The following ANKRD44 variants were observed in gnomAD, a reference collection of about 807,000 sequenced individuals.
The protein encoded by ANKRD44 is serine/threonine-protein phosphatase 6 regulatory ankyrin repeat subunit B.
In ANKRD44, 35 loss-of-function variants were observed where a neutral mutation model predicts 116.0. The ratio of observed to expected loss-of-function variants is 0.30; its 90% CI spans 0.23 to 0.40. The LOEUF is 0.40. Among genes scored for constraint, ANKRD44 ranks in the 10% least tolerant of loss-of-function variants. The pLI is 1.00. For missense variants in ANKRD44, 1,014 were observed against 1,242.6 expected (o/e 0.82, Z 2.77); for synonymous variants, 435 against 461.8 (o/e 0.94, Z 0.74).
chr2:197,200,415 G>A (rs923641378), intron 1 of ANKRD44, among the ~76,000 whole-genome samples: 3 of 152,132 alleles, frequency 2.0e-5, no homozygotes, highest in Non-Finnish European at 4.4e-5. Context: ...CTTTAGACAT[G>A]TATATGCTCA....
intron 1 of ANKRD44, among the ~76,000 whole-genome samples, chr2:197,246,901 G>A (rs2082205249): frequency 6.6e-6 from 1 of 152,106 alleles, no homozygotes; most frequent in Non-Finnish European, 1.5e-5. Context: ...TTGGAACCCA[G>A]GTGACCCAAC....
intron 1 of ANKRD44, among the ~76,000 whole-genome samples, chr2:197,271,342 G>C (rs1434040952): frequency 6.6e-6 from 1 of 152,200 alleles, no homozygotes; most frequent in Non-Finnish European, 1.5e-5. Context: ...TCTACCATGT[G>C]AGGACTGTGC....
intron 12 of ANKRD44, 104 bp downstream of exon 12, chr2:197,088,607 C>A: frequency 3.0e-6 from 2 of 664,498 alleles, no homozygotes; most frequent in Non-Finnish European, 4.8e-6. Context: ...AGAAATGATT[C>A]TTATTTTACT....
At position 197,060,180 on chromosome 2, in the gene ANKRD44, T is replaced by C. The variant is rs1254736110; in HGVS notation, c.1650+18523A>G. On this transcript the variant is annotated intron_variant, in intron 16 of 27. Transcript: ENST00000282272. ...AGCAACTACTGTATCTTGTCATAGT[T>C]ATTAACATGCCAACTCCCACTGAGA... Among the ~76,000 whole-genome samples the C allele has an allele frequency of 3.3e-5, 5 of 152,324 alleles. No individual in the cohort carries two copies. The South Asian group carries it at 6.2e-4, about 19-fold the overall frequency.
chr2:197,093,200 T>C (rs1315693747), intron 10 of ANKRD44, among the ~76,000 whole-genome samples: 1 of 152,072 alleles, frequency 6.6e-6, no homozygotes, highest in African/African-American at 2.4e-5. Flanking sequence ...AAGTTCCATA[T>C]GTATCTTTAT....
intron 16 of ANKRD44, among the ~76,000 whole-genome samples, chr2:197,057,772 C>A (rs72924642): frequency 6.6e-6 from 1 of 152,108 alleles, no homozygotes; most frequent in African/African-American, 2.4e-5. Flanking sequence ...GTGGGAGGAT[C>A]GCTTGAATCC....
chr2:197,192,559 T>C (rs2080849511), intron 1 of ANKRD44, among the ~76,000 whole-genome samples: 1 of 152,236 alleles, frequency 6.6e-6, no homozygotes, highest in African/African-American at 2.4e-5. Flanking sequence ...TCTAGCCATA[T>C]GAAGCCATCA....
At chr2:197,244,558 A>G (rs2082150900) in intron 1 of ANKRD44, among the ~76,000 whole-genome samples, 1 of 152,244 alleles carries the variant, frequency 6.6e-6, no homozygotes, top group African/African-American at 2.4e-5. Flanking sequence ...GGTACAAAAT[A>G]CCATGTGTTT....
intron 16 of ANKRD44, among the ~76,000 whole-genome samples, chr2:197,071,427 T>A (rs551834963): frequency 2.0e-5 from 3 of 152,326 alleles, no homozygotes; most frequent in Admixed American, 2.0e-4. Flanking sequence ...TTTTTTGAAT[T>A]TCTCTTGAGG....
intron 21 of ANKRD44, among the ~76,000 whole-genome samples, chr2:196,976,164 C>T (rs1184947691): frequency 6.6e-6 from 1 of 152,246 alleles, no homozygotes; most frequent in South Asian, 2.1e-4. Context: ...TGGAGTCTCG[C>T]TCTGTCGCCC....
At chr2:197,249,754 A>C (rs2082275327) in intron 1 of ANKRD44, among the ~76,000 whole-genome samples, 2 of 152,244 alleles carry the variant, frequency 1.3e-5, no homozygotes, top group South Asian at 2.1e-4. Context: ...TTGATAATTA[A>C]AGCAAAAAAG....
At chr2:197,034,709 C>T (rs1175169708) in intron 16 of ANKRD44, among the ~76,000 whole-genome samples, 1 of 151,962 alleles carries the variant, frequency 6.6e-6, no homozygotes. Context: ...TCTCCATAGC[C>T]TCCACCAACC....
chr2:197,085,381 C>T (rs1246176295), intron 13 of ANKRD44, among the ~76,000 whole-genome samples: 2 of 152,298 alleles, frequency 1.3e-5, no homozygotes, highest in African/African-American at 2.4e-5. Context: ...ACCAGAGCAA[C>T]TCCATCTTGA....
At chr2:197,260,330 G>A (rs895524417) in intron 1 of ANKRD44, among the ~76,000 whole-genome samples, 2 of 152,046 alleles carry the variant, frequency 1.3e-5, no homozygotes, top group Non-Finnish European at 2.9e-5. Context: ...GAGAACATGT[G>A]GTGTTTGGTT....
intron 12 of ANKRD44, among the ~76,000 whole-genome samples, chr2:197,087,281 A>C (rs1272177738): frequency 6.6e-6 from 1 of 152,242 alleles, no homozygotes; most frequent in African/African-American, 2.4e-5. Context: ...AAATGTGCAG[A>C]ACCAAGGCTG....
intron 21 of ANKRD44, among the ~76,000 whole-genome samples, chr2:196,976,539 GACATGTAGAAAATTTTTCTT>G (rs1460358362): frequency 2.6e-5 from 4 of 152,242 alleles, no homozygotes; most frequent in East Asian, 3.9e-4. Flanking sequence ...ATTTGCAGAT[GACATGTAGAAAATTTTTCTT>G]ACATGTAGAA....
intron 15 of ANKRD44, among the ~76,000 whole-genome samples, chr2:197,079,602 C>T (rs962566254): frequency 6.6e-6 from 1 of 152,208 alleles, no homozygotes; most frequent in Non-Finnish European, 1.5e-5. Flanking sequence ...CGGTCCAGTC[C>T]TGCTGGGAAA....
At chr2:196,990,142 A>C (rs2075892204) in intron 27 of ANKRD44, 1 of 987,714 alleles carries the variant, frequency 1.0e-6, no homozygotes, top group Non-Finnish European at 1.2e-6. Context: ...TAGAGAGGAT[A>C]TAAATAGTTG....
At chr2:197,054,437 C>T (rs2077167138) in intron 16 of ANKRD44, among the ~76,000 whole-genome samples, 1 of 152,064 alleles carries the variant, frequency 6.6e-6, no homozygotes, top group Non-Finnish European at 1.5e-5. Flanking sequence ...CCATACCATA[C>T]ATTTACAGAT....
Sources: allele counts gnomAD v4.1 joint callset (sites outside exome capture counted in the v4.1 genomes callset), GRCh38; gene constraint gnomAD v4.1.1; transcripts MANE v1.5; gene names NCBI Gene and HGNC (gene_info 2026-07-23, HGNC 2026-07-21).